The following C10orf67 variants were observed in gnomAD, a reference collection of about 807,000 sequenced individuals.
C10orf67 encodes chromosome 10 open reading frame 67.
In C10orf67, 60 loss-of-function variants were observed where a neutral mutation model predicts 35.6. That is an observed-to-expected ratio of 1.68 (90% CI 1.37 to 2.09). The LOEUF is 2.09. Ranked by LOEUF, C10orf67 falls within the 30% of genes most tolerant of loss-of-function variation. The probability of loss-of-function intolerance (pLI) is 0.00; values close to 1 mark genes in which losing one functional copy is unlikely to be tolerated. For missense variants in C10orf67, 474 were observed against 330.2 expected (o/e 1.44, Z -3.38); for synonymous variants, 167 against 115.8 (o/e 1.44, Z -2.84).
At chr10:23,267,477 T>G (rs1337805795) in intron 8 of C10orf67, among the ~76,000 whole-genome samples, 1 of 152,220 alleles carries the variant, frequency 6.6e-6, no homozygotes, top group East Asian at 1.9e-4. Context: ...ATTGCAAAAA[T>G]CTAAAGTCAT....
Sources: gnomAD v4.1 joint callset for allele counts (sites outside exome capture counted in the v4.1 genomes callset) on GRCh38, gnomAD v4.1.1 for gene constraint, MANE v1.5 for transcripts, NCBI Gene and HGNC (gene_info 2026-07-23, HGNC 2026-07-21) for gene names.